The following PLCL1 variants were observed in gnomAD, a reference collection of about 807,000 sequenced individuals.
PLCL1 encodes phospholipase C like 1 (inactive).
Under a neutral mutation model 84.4 loss-of-function variants are expected in PLCL1, and 41 were observed. That is an observed-to-expected ratio of 0.49 (90% confidence interval 0.38 to 0.63). The LOEUF (loss-of-function observed/expected upper bound fraction) is 0.63. Among genes scored for constraint, PLCL1 ranks in the 30% least tolerant of loss-of-function variants. The pLI, the probability that PLCL1 is intolerant of heterozygous loss-of-function variation, is 0.00. For synonymous variants in PLCL1, 490 were observed against 488.3 expected, an observed-to-expected ratio of 1.00 and a Z score of -0.05; for missense variants, 1,206 against 1,367.8, an observed-to-expected ratio of 0.88 and a Z score of 1.87.
chr2:198,083,914 C>A lies in PLCL1; in HGVS notation c.397C>A (p.Arg133Ser). The A allele has an allele frequency of 6.2e-7, 1 of 1,614,076 alleles. No homozygotes were observed. Among genetic ancestry groups the A allele is most frequent in the Non-Finnish European group, 8.5e-7 (1 of 1,179,994 alleles). ...KVRPNSRIYN[R>S]FFTLDTDLQA... is the part of the protein sequence containing the mutation. ...CCGGCCAAATTCTCGCATTTACAACCGTTTTTTCACTCTGGACACAGACCT... is the reference window on the plus strand; with the variant it reads ...CCGGCCAAATTCTCGCATTTACAACAGTTTTTTCACTCTGGACACAGACCT... The change falls in exon 2 of 6, where the codon CGT (arginine) becomes AGT (serine). Residue 133 changes from arginine (R) to serine (S), a missense_variant. Arg to Ser is a moderately radical substitution (Grantham distance 110, BLOSUM62 -1). Coordinates refer to ENST00000428675, the MANE Select transcript of PLCL1 (RefSeq NM_006226.4).
chr2:197,887,263 G>A (rs1011423212), intron 1 of PLCL1, among the ~76,000 whole-genome samples: 4 of 152,204 alleles, frequency 2.6e-5, no homozygotes, highest in South Asian at 4.1e-4. Context: ...GGAGTGTAGT[G>A]TTTTATTGTA....
intron 1 of PLCL1, among the ~76,000 whole-genome samples, chr2:197,874,193 C>G (rs1687696448): frequency 6.6e-6 from 1 of 152,132 alleles, no homozygotes; most frequent in East Asian, 1.9e-4. Context: ...AGTCACAAGT[C>G]CTTTCTGGTA....
intron 3 of PLCL1, among the ~76,000 whole-genome samples, chr2:198,089,662 G>A (rs1462705756): frequency 6.6e-6 from 1 of 152,102 alleles, no homozygotes; most frequent in African/African-American, 2.4e-5. Flanking sequence ...GCCACACTTA[G>A]TTGCAAAGGA....
At chr2:198,136,756 A>T in intron 5 of PLCL1, among the ~76,000 whole-genome samples, 1 of 152,106 alleles carries the variant, frequency 6.6e-6, no homozygotes, top group East Asian at 1.9e-4. Flanking sequence ...CCTGTCATGA[A>T]TATGATTCAT....
intron 1 of PLCL1, among the ~76,000 whole-genome samples, chr2:198,079,793 A>T (rs932407189): frequency 6.6e-6 from 1 of 152,166 alleles, no homozygotes; most frequent in Non-Finnish European, 1.5e-5. Flanking sequence ...TAATTTGGAG[A>T]CTTATGCATA....
chr2:198,085,839 T>A lies in PLCL1; in HGVS notation c.2322T>A (p.Asp774Glu). 6.2e-7 allele frequency: 1 copy of A among 1,614,184 alleles called. No individual in the cohort carries two copies. Among genetic ancestry groups the A allele is most frequent in the Non-Finnish European group, 8.5e-7 (1 of 1,180,004 alleles). Reference sequence around the variant, plus strand: ...CTAAAACTGTACAGCAAAACAGTGATAATCCTATTTTTGATGAAACTTTTG... The same window carrying A: ...CTAAAACTGTACAGCAAAACAGTGAAAATCCTATTTTTGATGAAACTTTTG... Reference protein sequence around the residue: ...QRTKTVQQNSDNPIFDETFEF... With the variant: ...QRTKTVQQNSENPIFDETFEF... The change falls in exon 2 of 6, where the codon GAT becomes GAA. Residue 774 changes from aspartate to glutamate, a missense_variant. By Grantham distance (45) the Asp-to-Glu change is conservative. Transcript: ENST00000428675. This position sits in a 1 kb window ranked among gnomAD's most constrained non-coding sequence, Gnocchi z 5.3.
chr2:197,878,135 C>T (rs1687771039), intron 1 of PLCL1, among the ~76,000 whole-genome samples: 1 of 152,074 alleles, frequency 6.6e-6, no homozygotes, highest in Admixed American at 6.6e-5. Flanking sequence ...GCATAGAGAA[C>T]TTTATTCTTT....
intron 1 of PLCL1, among the ~76,000 whole-genome samples, chr2:198,068,619 C>T (rs538845591): frequency 6.6e-6 from 1 of 152,342 alleles, no homozygotes; most frequent in East Asian, 1.9e-4. Context: ...CAACCACACC[C>T]TACACACAAT....
chr2:198,054,398 C>T (rs1180131907), intron 1 of PLCL1, among the ~76,000 whole-genome samples: 1 of 152,228 alleles, frequency 6.6e-6, no homozygotes, highest in Non-Finnish European at 1.5e-5. Context: ...ACACATGAAA[C>T]AGTCTCTAGG....
rs527826943 is a variant in PLCL1 at position 197,976,225 on chromosome 2, T to G, written c.241-107533T>G. Among the ~76,000 whole-genome samples the G allele has an allele frequency of 4.6e-5, 7 of 152,322 alleles. No individual in the cohort carries two copies. In the East Asian group the frequency reaches 1.4e-3, roughly 29 times the overall value. ...TTGTTCATTGCCTCTCAAGAACTTGTGTTGTGAATTCCACTCTATCCTGTG... is the reference window on the plus strand; with the variant it reads ...TTGTTCATTGCCTCTCAAGAACTTGGGTTGTGAATTCCACTCTATCCTGTG... On this transcript the variant is annotated intron_variant, in intron 1 of 5. Coordinates refer to ENST00000428675, the MANE Select transcript of PLCL1 (RefSeq NM_006226.4).
At chr2:198,050,407 TG>T (rs1691899196) in intron 1 of PLCL1, among the ~76,000 whole-genome samples, 1 of 150,174 alleles carries the variant, frequency 6.7e-6, no homozygotes, top group Non-Finnish European at 1.5e-5. Flanking sequence ...GATGGGGTGC[TG>T]GGGTTGTGGG....
In PLCL1 at chr2:197,912,507, C is replaced by G. The variant is rs7426237; in HGVS notation, c.240+107168C>G. Among the ~76,000 whole-genome samples the G allele has an allele frequency of 2.6e-5, 4 of 150,950 alleles. No homozygotes were observed. In the East Asian group the frequency reaches 5.9e-4, roughly 22 times the overall value. On this transcript the variant is annotated intron_variant, in intron 1 of 5. Coordinates refer to ENST00000428675, the MANE Select transcript of PLCL1 (RefSeq NM_006226.4). Reference sequence around the variant, plus strand: ...GACACATGCACACGTATGTTTATTGCGGCATTATTCACAATAGCAAAGACT... The same window carrying G: ...GACACATGCACACGTATGTTTATTGGGGCATTATTCACAATAGCAAAGACT...
At position 198,148,675 on chromosome 2, in the gene PLCL1, C is replaced by T. The variant is rs771671108; in HGVS notation, c.*1713C>T. 3.3e-5 allele frequency: 5 copies of T among 152,256 alleles called. No homozygotes were observed. Among genetic ancestry groups the T allele is most frequent in the Non-Finnish European group, 5.9e-5 (4 of 68,030 alleles). 9.4% of individuals were successfully genotyped at this position (152,256 alleles called of 1,614,324 possible). On this transcript the variant is annotated 3_prime_UTR_variant, in exon 6 of 6. Transcript: ENST00000428675. ...GGAATAGTGGAATGCAGGTGTTAAGCCCTTTGTGGTGAAAAAGAGGTTCTA... is the reference window on the plus strand; with the variant it reads ...GGAATAGTGGAATGCAGGTGTTAAGTCCTTTGTGGTGAAAAAGAGGTTCTA...
At chr2:197,916,360 C>T (rs1328215350) in intron 1 of PLCL1, among the ~76,000 whole-genome samples, 1 of 152,158 alleles carries the variant, frequency 6.6e-6, no homozygotes, top group Non-Finnish European at 1.5e-5. Context: ...CTTAAACTCT[C>T]TGGATTCAGT....
chr2:198,007,661 C>T (rs1433182386), intron 1 of PLCL1, among the ~76,000 whole-genome samples: 3 of 152,098 alleles, frequency 2.0e-5, no homozygotes, highest in African/African-American at 7.2e-5. Flanking sequence ...TCAGTTACAT[C>T]AACTTCATCA....
Position 198,088,956 on chromosome 2 carries a change from C to G in PLCL1, c.2814C>G (p.Asp938Glu), listed in dbSNP as rs780712693. 2.0e-5 allele frequency: 33 copies of G among 1,612,232 alleles called. No individual in the cohort carries two copies. Among genetic ancestry groups the G allele is most frequent in the Non-Finnish European group, 2.8e-5 (33 of 1,178,406 alleles). Residue 938 changes from aspartate (D) to glutamate (E), a missense_variant, in exon 3 of 6, where the codon GAC becomes GAG. Physicochemically the swap from Asp to Glu is conservative, Grantham distance 45 (BLOSUM62 2). Coordinates refer to ENST00000428675, the MANE Select transcript of PLCL1 (RefSeq NM_006226.4). ...TGTCATCTCGGCTCATCACCAGTGA[C>G]AATACTCCTTCAGTCTCACTTGTGA... ...LTLSSRLITS[D>E]NTPSVSLVMK... is the part of the protein sequence containing the mutation.
intron 1 of PLCL1, among the ~76,000 whole-genome samples, chr2:197,923,213 C>T (rs1688750798): frequency 6.7e-6 from 1 of 148,446 alleles, no homozygotes; most frequent in African/African-American, 2.5e-5. Flanking sequence ...GGGGCTGACC[C>T]CCCACCTCCC....
At chr2:197,848,866 A>T (rs1227147190) in intron 1 of PLCL1, among the ~76,000 whole-genome samples, 1 of 152,166 alleles carries the variant, frequency 6.6e-6, no homozygotes, top group Admixed American at 6.5e-5. Flanking sequence ...AAGTACTACC[A>T]GTCCTGGGGA....
At chr2:197,913,536 C>T (rs762048406) in intron 1 of PLCL1, among the ~76,000 whole-genome samples, 7 of 152,192 alleles carry the variant, frequency 4.6e-5, no homozygotes, top group Non-Finnish European at 5.9e-5. Context: ...TATTCCACTA[C>T]GCATTCCCCT....
Sources: gnomAD v4.1 joint callset for allele counts (sites outside exome capture counted in the v4.1 genomes callset) on GRCh38, gnomAD v4.1.1 for gene constraint, Gnocchi (gnomAD v3.1) non-coding constraint, MANE v1.5 for transcripts, NCBI Gene and HGNC (gene_info 2026-07-23, HGNC 2026-07-21) for gene names.